CFAP95: variants seen among roughly 807,000 people sequenced by gnomAD.
The protein encoded by CFAP95 is cilia- and flagella-associated protein 95.
At chr9:69,862,533 A>G in the CFAP95 span, among the ~76,000 whole-genome samples, 1 of 152,208 alleles carries the variant, frequency 6.6e-6, no homozygotes, top group Non-Finnish European at 1.5e-5. Context: ...CTTCTTGCCA[A>G]CTCTACAGCT....
At chr9:69,834,843 T>G in the CFAP95 span, among the ~76,000 whole-genome samples, 4 of 152,234 alleles carry the variant, frequency 2.6e-5, no homozygotes. Context: ...AAAGTATTTC[T>G]TCGTAAGTCT....
chr9:69,854,061 T>A, the CFAP95 span, among the ~76,000 whole-genome samples: 1 of 152,196 alleles, frequency 6.6e-6, no homozygotes, highest in Non-Finnish European at 1.5e-5. Flanking sequence ...CAGCTAAAGT[T>A]TGGGGATTCT....
the CFAP95 span, among the ~76,000 whole-genome samples, chr9:69,826,844 A>G: frequency 5.3e-5 from 8 of 152,220 alleles, no homozygotes; most frequent in African/African-American, 1.9e-4. Context: ...GCAGGCAGAA[A>G]GAATAAAGAC....
the CFAP95 span, among the ~76,000 whole-genome samples, chr9:69,891,857 G>A: frequency 2.6e-5 from 4 of 152,048 alleles, no homozygotes; most frequent in African/African-American, 4.8e-5. Flanking sequence ...ACATACCAAT[G>A]AGTGTTGTTA....
chr9:69,831,374 G>T, the CFAP95 span, among the ~76,000 whole-genome samples: 1 of 151,914 alleles, frequency 6.6e-6, no homozygotes, highest in Admixed American at 6.6e-5. Flanking sequence ...CATTAAATAA[G>T]CTTTTTTTAA....
chr9:69,860,887 A>G, the CFAP95 span, among the ~76,000 whole-genome samples: 2 of 152,066 alleles, frequency 1.3e-5, no homozygotes, highest in Non-Finnish European at 2.9e-5. Context: ...ACATGCATGG[A>G]GTTGTCATCT....
At chr9:69,861,831 C>G in the CFAP95 span, among the ~76,000 whole-genome samples, 3 of 119,878 alleles carry the variant, frequency 2.5e-5, no homozygotes, top group African/African-American at 9.0e-5. Flanking sequence ...TTCATCTTAA[C>G]TCTGATGTTA....
chr9:69,898,417 C>G, the CFAP95 span, among the ~76,000 whole-genome samples: 523 of 152,234 alleles, frequency 3.4e-3, 3 homozygotes, highest in African/African-American at 0.012. Flanking sequence ...GGCTGTATAC[C>G]AATCAACATT....
At chr9:69,902,247 C>T in the CFAP95 span, 2 of 435,038 alleles carry the variant, frequency 4.6e-6, no homozygotes, top group South Asian at 3.3e-5. Flanking sequence ...TCACAATTCT[C>T]TTGACAGGTT....
At chr9:69,837,379 C>T in the CFAP95 span, among the ~76,000 whole-genome samples, 1 of 151,798 alleles carries the variant, frequency 6.6e-6, no homozygotes, top group Non-Finnish European at 1.5e-5. Flanking sequence ...TCTCCACATC[C>T]TCTCCAGCAC....
At chr9:69,844,198 T>A in the CFAP95 span, among the ~76,000 whole-genome samples, 8 of 152,262 alleles carry the variant, frequency 5.3e-5, no homozygotes, top group East Asian at 9.7e-4. Context: ...CATGTCTTAT[T>A]TTAGAACTTA....
the CFAP95 span, among the ~76,000 whole-genome samples, chr9:69,843,622 TTCTTCTTCC>T: frequency 0.043 from 2,980 of 69,090 alleles, 322 homozygotes; most frequent in African/African-American, 0.053. Flanking sequence ...CTTCTTCTTC[TTCTTCTTCC>T]TCCTCCTCCT....
the CFAP95 span, chr9:69,857,999 A>G: frequency 2.5e-6 from 4 of 1,603,896 alleles, no homozygotes; most frequent in Non-Finnish European, 3.4e-6. Flanking sequence ...CTAAACTGCT[A>G]CAACTGTACA....
the CFAP95 span, among the ~76,000 whole-genome samples, chr9:69,899,513 C>T: frequency 6.6e-6 from 1 of 152,190 alleles, no homozygotes; most frequent in Non-Finnish European, 1.5e-5. Flanking sequence ...AGATCCTCTC[C>T]CATCCTGTGT....
the CFAP95 span, among the ~76,000 whole-genome samples, chr9:69,861,644 C>T: frequency 1.7e-4 from 25 of 149,384 alleles, no homozygotes; most frequent in African/African-American, 6.2e-4. Context: ...CTTTCTGCTA[C>T]GTCAGGCACC....
chr9:69,857,103 G>T, the CFAP95 span, among the ~76,000 whole-genome samples: 1 of 152,116 alleles, frequency 6.6e-6, no homozygotes, highest in South Asian at 2.1e-4. Context: ...AGTATGAAGT[G>T]TGCATAGAAG....
At chr9:69,876,099 C>T in the CFAP95 span, among the ~76,000 whole-genome samples, 627 of 152,280 alleles carry the variant, frequency 4.1e-3, 17 homozygotes, top group Admixed American at 0.037. Context: ...CAAGATATTG[C>T]CACTAGTTTT....
the CFAP95 span, chr9:69,857,916 G>A: frequency 1.4e-5 from 23 of 1,613,674 alleles, no homozygotes; most frequent in East Asian, 6.7e-5. Context: ...TAGGGTCACC[G>A]GATTGCCTGC....
chr9:69,838,374 T>A, the CFAP95 span, among the ~76,000 whole-genome samples: 3 of 151,604 alleles, frequency 2.0e-5, no homozygotes, highest in East Asian at 5.9e-4. Flanking sequence ...GCATGGAATG[T>A]TCTTCCATTT....
Sources: gnomAD v4.1 joint callset for allele counts (sites outside exome capture counted in the v4.1 genomes callset) on GRCh38, gnomAD v4.1.1 for gene constraint, MANE v1.5 for transcripts, NCBI Gene and HGNC (gene_info 2026-07-23, HGNC 2026-07-21) for gene names.